The following CPNE4 variants were observed in gnomAD, a reference collection of about 807,000 sequenced individuals.
The protein encoded by CPNE4 is copine-4.
Under a neutral mutation model 67.9 loss-of-function variants are expected in CPNE4, and 25 were observed. The observed-to-expected ratio is 0.37, with a 90% CI of 0.27 to 0.51. The LOEUF (loss-of-function observed/expected upper bound fraction) is 0.51, where lower values mean the gene tolerates loss of function less well. Ranked by LOEUF, CPNE4 falls within the 20% of genes least tolerant of loss-of-function variation. The pLI, the probability that CPNE4 is intolerant of heterozygous loss-of-function variation, is 0.93. For synonymous variants in CPNE4, 242 were observed against 244.9 expected, an observed-to-expected ratio of 0.99 and a Z score of 0.11; for missense variants, 464 against 690.8, an observed-to-expected ratio of 0.67 and a Z score of 3.68.
intron 7 of CPNE4, among the ~76,000 whole-genome samples, chr3:131,618,653 G>A (rs748828520): frequency 1.1e-4 from 17 of 152,104 alleles, no homozygotes; most frequent in Non-Finnish European, 2.5e-4. Flanking sequence ...CCAGAAACCT[G>A]TTCCATTACC....
At chr3:131,899,585 C>A (rs573790260) in intron 2 of CPNE4, among the ~76,000 whole-genome samples, 1 of 152,042 alleles carries the variant, frequency 6.6e-6, no homozygotes, top group Non-Finnish European at 1.5e-5. Context: ...TTGTATGACC[C>A]TGGGCGATGT....
chr3:131,842,685 C>G (rs1371434797), intron 2 of CPNE4, among the ~76,000 whole-genome samples: 2 of 148,798 alleles, frequency 1.3e-5, no homozygotes, highest in Non-Finnish European at 3.0e-5. Context: ...TTTTCCATCA[C>G]CACCAATCAG....
intron 2 of CPNE4, among the ~76,000 whole-genome samples, chr3:131,893,699 A>G (rs2088208790): frequency 1.3e-5 from 2 of 152,000 alleles, no homozygotes; most frequent in African/African-American, 2.4e-5. Context: ...ATTAAACAGC[A>G]CGCTCTTAAA....
At chr3:131,579,817 AAACAAAG>A (rs1937673840) in intron 9 of CPNE4, among the ~76,000 whole-genome samples, 1 of 152,240 alleles carries the variant, frequency 6.6e-6, no homozygotes, top group Non-Finnish European at 1.5e-5. Context: ...TCTCATGGAT[AAACAAAG>A]AAAGTGGTTT....
intron 2 of CPNE4, among the ~76,000 whole-genome samples, chr3:131,838,351 C>T (rs2085638630): frequency 6.6e-6 from 1 of 151,462 alleles, no homozygotes; most frequent in African/African-American, 2.4e-5. Flanking sequence ...TGCTTAGAAG[C>T]ACTAGTCTTA....
chr3:131,699,114 T>C (rs1325592490), intron 4 of CPNE4, among the ~76,000 whole-genome samples: 7 of 152,182 alleles, frequency 4.6e-5, no homozygotes, highest in African/African-American at 1.7e-4. Flanking sequence ...CAACATCCTC[T>C]ACCTTTTTCA....
intron 1 of CPNE4, among the ~76,000 whole-genome samples, chr3:131,955,305 CCTTT>C (rs1407675400): frequency 1.3e-5 from 2 of 151,186 alleles, no homozygotes; most frequent in Non-Finnish European, 1.5e-5. Flanking sequence ...ATGTAATTTC[CCTTT>C]CTTTCTTAGT....
At chr3:131,698,955 A>T (rs2081227517) in intron 4 of CPNE4, among the ~76,000 whole-genome samples, 1 of 151,546 alleles carries the variant, frequency 6.6e-6, no homozygotes, top group Non-Finnish European at 1.5e-5. Context: ...CTAGTTAAAA[A>T]GGAATGTTCA....
rs543782689 is a variant in CPNE4 at position 131,879,488 on chromosome 3, G to C, written c.180+25776C>G. ...AATTCAGGTTTAAGGCTGTATCAGGGTTATTCTTTATTCAAAGGATTAAAC... is the reference window on the plus strand; with the variant it reads ...AATTCAGGTTTAAGGCTGTATCAGGCTTATTCTTTATTCAAAGGATTAAAC... On this transcript the variant is annotated intron_variant, in intron 2 of 15. Coordinates refer to ENST00000429747, the MANE Select transcript of CPNE4 (RefSeq NM_130808.3). Among the ~76,000 whole-genome samples, 5 of 152,246 alleles carry C rather than the reference G, an allele frequency of 3.3e-5. No individual in the cohort carries two copies. In the South Asian group the frequency reaches 1.0e-3, roughly 32 times the overall value.
chr3:132,031,531 C>T (rs1419596126), intron 1 of CPNE4, among the ~76,000 whole-genome samples: 1 of 152,158 alleles, frequency 6.6e-6, no homozygotes, highest in Non-Finnish European at 1.5e-5. Flanking sequence ...ATCAGAGTAC[C>T]TGTCTCATTC....
intron 2 of CPNE4, among the ~76,000 whole-genome samples, chr3:131,731,487 T>A (rs1196418808): frequency 6.6e-6 from 1 of 152,144 alleles, no homozygotes; most frequent in Non-Finnish European, 1.5e-5. Context: ...GAAGCGTAGA[T>A]CTCAGCTACA....
intron 8 of CPNE4, among the ~76,000 whole-genome samples, chr3:131,584,296 C>T (rs994886786): frequency 1.3e-5 from 2 of 152,122 alleles, no homozygotes; most frequent in East Asian, 1.9e-4. Flanking sequence ...TACGGGTAAA[C>T]CTCTCCTCTG....
intron 2 of CPNE4, among the ~76,000 whole-genome samples, chr3:131,766,730 A>G (rs2107824681): frequency 6.6e-6 from 1 of 152,318 alleles, no homozygotes; most frequent in East Asian, 1.9e-4. Flanking sequence ...TGCTCGTTAT[A>G]TTAGAAAAAA....
intron 7 of CPNE4, among the ~76,000 whole-genome samples, chr3:131,624,144 T>C (rs1239680701): frequency 6.6e-6 from 1 of 152,176 alleles, no homozygotes; most frequent in African/African-American, 2.4e-5. Context: ...CCTTTTGTTC[T>C]GCCATGACTC....
chr3:131,599,462 A>C (rs553814834), intron 7 of CPNE4, among the ~76,000 whole-genome samples: 1 of 152,316 alleles, frequency 6.6e-6, no homozygotes, highest in South Asian at 2.1e-4. Flanking sequence ...GAACACTCTG[A>C]TTTGGACTTC....
chr3:131,814,851 G>T (rs984518916), intron 2 of CPNE4, among the ~76,000 whole-genome samples: 2 of 136,142 alleles, frequency 1.5e-5, no homozygotes, highest in Admixed American at 6.9e-5. Context: ...TGATCCGCCC[G>T]CCTCGGCCTC....
chr3:131,835,579 CAAG>C (rs1406045943), intron 2 of CPNE4, among the ~76,000 whole-genome samples: 5 of 151,958 alleles, frequency 3.3e-5, no homozygotes, highest in African/African-American at 1.2e-4. Flanking sequence ...AGAGGACTGA[CAAG>C]AAGGAGGCTT....
intron 1 of CPNE4, among the ~76,000 whole-genome samples, chr3:131,952,941 C>T (rs922976439): frequency 2.0e-5 from 3 of 152,036 alleles, no homozygotes; most frequent in African/African-American, 7.3e-5. Context: ...TGTGACCTTA[C>T]CCCCAACCCT....
chr3:131,593,857 G>T lies in CPNE4; in HGVS notation c.682-6275C>A, dbSNP rs184542383. On this transcript the variant is annotated intron_variant, in intron 7 of 15. Transcript: ENST00000429747. ...CTCCCAAGTAGCTGGGACTACAGGC[G>T]CACACCACCATGCCCAGCTAATTAT... Among the ~76,000 whole-genome samples the T allele has an allele frequency of 1.3e-4, 20 of 152,038 alleles. 1 individual carries two copies. The South Asian group carries it at 3.9e-3, about 30-fold the overall frequency.
Sources: allele counts gnomAD v4.1 joint callset (sites outside exome capture counted in the v4.1 genomes callset), GRCh38; gene constraint gnomAD v4.1.1; transcripts MANE v1.5; gene names NCBI Gene and HGNC (gene_info 2026-07-23, HGNC 2026-07-21).